PKNOX2: variants seen among roughly 807,000 people sequenced by gnomAD.
PKNOX2 encodes PBX/knotted 1 homeobox 2, also known as homeobox protein PKNOX2.
Under a neutral mutation model 53.1 loss-of-function variants are expected in PKNOX2, and 14 were observed. The observed-to-expected ratio is 0.26, with a 90% confidence interval of 0.17 to 0.41. The LOEUF is 0.41. PKNOX2 is among the 10% of genes least tolerant of loss of function. PKNOX2 has a pLI of 1.00. For missense variants in PKNOX2, 496 were observed against 602.8 expected (o/e 0.82, Z 1.85); for synonymous variants, 257 against 242.8 (o/e 1.06, Z -0.54).
chr11:125,415,205 T>C (rs1030636565), intron 10 of PKNOX2, among the ~76,000 whole-genome samples: 2 of 151,710 alleles, frequency 1.3e-5, no homozygotes, highest in African/African-American at 4.8e-5. Context: ...GAAATAAGTT[T>C]GGGCCAATCT....
At chr11:125,232,557 AC>A (rs1942304110) in intron 1 of PKNOX2, among the ~76,000 whole-genome samples, 1 of 152,216 alleles carries the variant, frequency 6.6e-6, no homozygotes, top group African/African-American at 2.4e-5. Context: ...TACCCTTTGA[AC>A]TACTAGACTT....
At chr11:125,298,786 G>A (rs561314047) in intron 2 of PKNOX2, among the ~76,000 whole-genome samples, 3 of 152,294 alleles carry the variant, frequency 2.0e-5, no homozygotes, top group Non-Finnish European at 2.9e-5. Flanking sequence ...TGACCTTGAC[G>A]TATTCCCGGG....
At chr11:125,379,443 T>A (rs1272465264) in intron 5 of PKNOX2, among the ~76,000 whole-genome samples, 1 of 152,198 alleles carries the variant, frequency 6.6e-6, no homozygotes, top group East Asian at 1.9e-4. Context: ...AAGTTATATA[T>A]GAGCATAAGA....
At chr11:125,354,083 G>T (rs533621018) in intron 4 of PKNOX2, among the ~76,000 whole-genome samples, 1 of 152,200 alleles carries the variant, frequency 6.6e-6, no homozygotes, top group African/African-American at 2.4e-5. Context: ...CAGCTCTTCC[G>T]TGCATGCCTG....
Position 125,352,842 on chromosome 11 carries a change from GTTGAACTTGGC to G in PKNOX2, c.87+1451_87+1461del, listed in dbSNP as rs1173717473. 6.6e-6 allele frequency among the ~76,000 whole-genome samples: 1 copy of G among 152,168 alleles called. No homozygotes were observed. Among genetic ancestry groups the G allele is most frequent in the Admixed American group, 6.5e-5 (1 of 15,288 alleles). ...GTAGCTTCCATTAATAAGCCACAGG[GTTGAACTTGGC>G]CTTTACATGGCTCTTGTATTTGAAA... On this transcript the variant is annotated intron_variant, in intron 4 of 12. Coordinates refer to ENST00000298282, the MANE Select transcript of PKNOX2 (RefSeq NM_001382323.2). The surrounding 1 kb of genome is among the most constrained non-coding windows in gnomAD (Gnocchi z 4.1).
chr11:125,227,670 T>C (rs1185767586), intron 1 of PKNOX2, among the ~76,000 whole-genome samples: 1 of 152,246 alleles, frequency 6.6e-6, no homozygotes, highest in Admixed American at 6.5e-5. Context: ...TTGGCTGCTG[T>C]GAATAAAGCT....
At chr11:125,401,768 T>A (rs74408031) in intron 7 of PKNOX2, among the ~76,000 whole-genome samples, 290 of 114,714 alleles carry the variant, frequency 2.5e-3, no homozygotes, top group Non-Finnish European at 4.4e-3. Flanking sequence ...AGCTTGTGAG[T>A]GTGTGTGTGT....
At chr11:125,255,263 A>G (rs1454795288) in intron 2 of PKNOX2, among the ~76,000 whole-genome samples, 1 of 152,174 alleles carries the variant, frequency 6.6e-6, no homozygotes, top group Non-Finnish European at 1.5e-5. Flanking sequence ...AGGGTTCTCT[A>G]TATGTCTCCA....
intron 7 of PKNOX2, among the ~76,000 whole-genome samples, chr11:125,398,480 T>C (rs181861370): frequency 1.3e-5 from 2 of 152,308 alleles, no homozygotes; most frequent in Admixed American, 1.3e-4. Context: ...AAAGCAGTCA[T>C]TCCCTGAATC....
chr11:125,197,655 A>AAAC (rs370764796), intron 1 of PKNOX2, among the ~76,000 whole-genome samples: 48 of 151,794 alleles, frequency 3.2e-4, no homozygotes, highest in Non-Finnish European at 5.0e-4. Flanking sequence ...AGCAGAGGAA[A>AAAC]AACAACAACA....
Position 125,411,781 on chromosome 11 carries a change from G to C in PKNOX2, c.852G>C (p.Glu284Asp), listed in dbSNP as rs760192897. 1 of 1,614,128 alleles carries C rather than the reference G, an allele frequency of 6.2e-7. No homozygotes were observed. The highest frequency in any genetic ancestry group is 1.1e-5 in the South Asian group (1 of 91,068). Residue 284 changes from glutamate (E) to aspartate (D), a missense_variant, in exon 10 of 13, where the codon GAG becomes GAC. Around this residue, in one of 5 missense-constraint regions of PKNOX2, gnomAD observed 141 missense variants for 143.9 expected, o/e 0.98. Coordinates refer to ENST00000298282, the MANE Select transcript of PKNOX2 (RefSeq NM_001382323.2). ...ACCTCACCTCCCTCCTGGACAATGAGGATAAGAAGTCCAAGAACAAACGAG... is the reference window on the plus strand; with the variant it reads ...ACCTCACCTCCCTCCTGGACAATGACGATAAGAAGTCCAAGAACAAACGAG... ...NLDLTSLLDN[E>D]DKKSKNKRGV...
At chr11:125,249,890 T>G (rs1320214552) in intron 2 of PKNOX2, among the ~76,000 whole-genome samples, 1 of 151,898 alleles carries the variant, frequency 6.6e-6, no homozygotes, top group Non-Finnish European at 1.5e-5. Flanking sequence ...ATCAACATGG[T>G]GAAACCCCCA....
rs908749942 is a variant in PKNOX2 at position 125,303,921 on chromosome 11, T to C, written c.-129-27898T>C. Among the ~76,000 whole-genome samples, 232 of 152,350 alleles carry C rather than the reference T, an allele frequency of 1.5e-3. 1 individual carries two copies. Among genetic ancestry groups the C allele is most frequent in the African/African-American group, 5.4e-3 (223 of 41,586 alleles). ...CATCTCCTTCCATCAGCAAACATTC[T>C]CTTCTCGGCTTCCCCCAGCTAGATG... On this transcript the variant is annotated intron_variant, in intron 2 of 12. Transcript: ENST00000298282.
intron 10 of PKNOX2, among the ~76,000 whole-genome samples, chr11:125,423,105 T>C (rs979165080): frequency 6.6e-6 from 1 of 152,094 alleles, no homozygotes; most frequent in Non-Finnish European, 1.5e-5. Context: ...TACACATATA[T>C]ACATATATAC....
At chr11:125,301,890 G>T (rs529365317) in intron 2 of PKNOX2, among the ~76,000 whole-genome samples, 48 of 152,334 alleles carry the variant, frequency 3.2e-4, no homozygotes, top group African/African-American at 1.2e-3. Context: ...TTATACATTT[G>T]CCCAGACTCA....
At chr11:125,279,210 C>T (rs1369932039) in intron 2 of PKNOX2, among the ~76,000 whole-genome samples, 1 of 152,180 alleles carries the variant, frequency 6.6e-6, no homozygotes, top group Non-Finnish European at 1.5e-5. Context: ...GGTGCCATGG[C>T]CTGTGAACCG....
At chr11:125,236,237 G>A (rs182250100) in intron 2 of PKNOX2, among the ~76,000 whole-genome samples, 4 of 152,154 alleles carry the variant, frequency 2.6e-5, no homozygotes, top group Non-Finnish European at 4.4e-5. Context: ...GCGATTCAGC[G>A]CCGGTCGCCT....
At chr11:125,266,038 C>A (rs147605448) in intron 2 of PKNOX2, among the ~76,000 whole-genome samples, 6 of 152,104 alleles carry the variant, frequency 3.9e-5, no homozygotes, top group Non-Finnish European at 4.4e-5. Flanking sequence ...GTCTCTGCCC[C>A]GAGGCAGGTC....
At chr11:125,361,898 T>C (rs536770251) in intron 4 of PKNOX2, among the ~76,000 whole-genome samples, 2 of 152,322 alleles carry the variant, frequency 1.3e-5, no homozygotes, top group Admixed American at 1.3e-4. Context: ...GCTCTCGGCC[T>C]CCAGGCTCCT....
Sources: gnomAD v4.1 joint callset for allele counts (sites outside exome capture counted in the v4.1 genomes callset) on GRCh38, gnomAD v4.1.1 for gene constraint, gnomAD v4.1.1 regional missense constraint, Gnocchi (gnomAD v3.1) non-coding constraint, MANE v1.5 for transcripts, NCBI Gene and HGNC (gene_info 2026-07-23, HGNC 2026-07-21) for gene names.